Variants in MYO7B observed in about 807,000 individuals in gnomAD.
MYO7B encodes myosin VIIB, also known as unconventional myosin-VIIb.
MYO7B carries 212 observed loss-of-function variants against 259.7 expected under a neutral mutation model. The observed-to-expected ratio is 0.82, with a 90% confidence interval of 0.73 to 0.91. MYO7B has a LOEUF of 0.91. Ranked by LOEUF, MYO7B falls within the 40% of genes least tolerant of loss-of-function variation. MYO7B has a pLI of 0.00. For synonymous variants in MYO7B, 1,197 were observed against 1,166.4 expected (o/e 1.03, Z -0.54); for missense variants, 2,732 against 2,813.5 (o/e 0.97, Z 0.66).
At position 127,593,609 on chromosome 2, in the gene MYO7B, G is replaced by A; in HGVS notation, c.2209G>A (p.Asp737Asn). Residue 737 changes from aspartate (D) to asparagine (N), a missense_variant, in exon 18 of 48, where the codon GAC (aspartate) becomes AAC (asparagine). Around this residue, in one of 3 missense-constraint regions of MYO7B, gnomAD observed 1,906 missense variants for 2,026.4 expected, o/e 0.94. Coordinates refer to ENST00000409816, the MANE Select transcript of MYO7B (RefSeq NM_001393586.1). ...ITDVWLRTDKDWKAGKTKIFL... is the reference protein window; with the variant it reads ...ITDVWLRTDKNWKAGKTKIFL... ...TGACGTGTGGCTGCGGACAGACAAA[G>A]ACTGGAAAGCGGGGAAGACAAAAAT... is the stretch of plus-strand genomic sequence containing the variant. 1 of 1,613,760 alleles carries A rather than the reference G, an allele frequency of 6.2e-7. No individual in the cohort carries two copies. Among genetic ancestry groups the A allele is most frequent in the South Asian group, 1.1e-5 (1 of 91,082 alleles).
intron 1 of MYO7B, among the ~76,000 whole-genome samples, chr2:127,557,741 G>A (rs1677891678): frequency 6.6e-6 from 1 of 152,090 alleles, no homozygotes; most frequent in Non-Finnish European, 1.5e-5. Context: ...CGTAAAGTGG[G>A]GAAATAACAC....
chr2:127,540,695 T>C (rs1692971910), intron 1 of MYO7B, among the ~76,000 whole-genome samples: 1 of 152,164 alleles, frequency 6.6e-6, no homozygotes, highest in Non-Finnish European at 1.5e-5. Flanking sequence ...AGCTCTAGAA[T>C]AAAGCAGGAT....
At position 127,581,909 on chromosome 2, in the gene MYO7B, CG is replaced by C. The variant is rs1342118442; in HGVS notation, c.1102del (p.Asp368ThrfsTer3). The C allele has an allele frequency of 1.2e-6, 2 of 1,613,694 alleles. No individual in the cohort carries two copies. The highest frequency in any genetic ancestry group is 1.7e-6 in the Non-Finnish European group (2 of 1,179,876). The part of the protein sequence containing the change: ...KLLEVQHQEL[R>X]DCLIKHTILI... ...TCCCCAGGTGCAGCACCAGGAGCTC[CG>C]GGACTGTCTGATCAAGCACACCATC... On this transcript the variant is annotated frameshift_variant, in exon 11 of 48. Coordinates refer to ENST00000409816, the MANE Select transcript of MYO7B (RefSeq NM_001393586.1). LOFTEE classifies it high-confidence loss of function.
chr2:127,623,333 C>CCTCCTGTCCATAGGTTCCAA lies in MYO7B; in HGVS notation c.3777_3778insCTCCTGTCCATAGGTTCCAA (p.Asp1260LeufsTer32). ...ACATCGCTCACAAGCAGGGCCTCAG[C>CCTCCTGTCCATAGGTTCCAA]GACCACCTGGGCTTCTCCCTCCAGG... On this transcript the variant is annotated frameshift_variant, in exon 29 of 48. Coordinates refer to ENST00000409816, the MANE Select transcript of MYO7B (RefSeq NM_001393586.1). LOFTEE classifies it high-confidence loss of function. 6.2e-7 allele frequency: 1 copy of CCTCCTGTCCATAGGTTCCAA among 1,609,564 alleles called. No individual in the cohort carries two copies.
At chr2:127,635,618 G>A (rs933572868) in intron 43 of MYO7B, 104 bp from the exon 44 acceptor site, 65 of 1,243,218 alleles carry the variant, frequency 5.2e-5, no homozygotes, top group Non-Finnish European at 6.7e-5. Context: ...CGTCCTGGAT[G>A]GAGTGGGCTA....
At position 127,636,070 on chromosome 2, in the gene MYO7B, G is replaced by A. The variant is rs894842286; in HGVS notation, c.6007-138G>A. On this transcript the variant is annotated intron_variant, in intron 44 of 47. Coordinates refer to ENST00000409816, the MANE Select transcript of MYO7B (RefSeq NM_001393586.1). The surrounding 1 kb of genome is among the most constrained non-coding windows in gnomAD (Gnocchi z 4.5). ...ACCACGCCTTCCTATGCCATCCACAGCACCGAGACTGTCCCATGCTGCATT... is the reference window on the plus strand; with the variant it reads ...ACCACGCCTTCCTATGCCATCCACAACACCGAGACTGTCCCATGCTGCATT... 7 of 1,052,242 alleles carry A rather than the reference G, an allele frequency of 6.7e-6. No homozygotes were observed. The highest frequency in any genetic ancestry group is 9.7e-6 in the Non-Finnish European group (7 of 724,586). The allele number at this position is 1,052,242 out of a possible 1,614,324, so 65.2% of individuals were successfully genotyped here.
At chr2:127,572,525 C>G (rs577868064) in intron 6 of MYO7B, among the ~76,000 whole-genome samples, 3 of 150,004 alleles carry the variant, frequency 2.0e-5, no homozygotes, top group African/African-American at 7.4e-5. Flanking sequence ...CTCCTTCCTT[C>G]CTTTCTTTTT....
chr2:127,634,310 G>A, intron 41 of MYO7B, 21 bp downstream of exon 41: 1 of 1,527,894 alleles, frequency 6.5e-7, no homozygotes, highest in South Asian at 1.2e-5. Context: ...CTGGGGCTGG[G>A]CAGACGGTGG....
chr2:127,547,225 C>G (rs959610588), intron 1 of MYO7B, among the ~76,000 whole-genome samples: 4 of 152,220 alleles, frequency 2.6e-5, no homozygotes, highest in African/African-American at 9.7e-5. Context: ...TGTCCTGAGC[C>G]CTGACTAGTA....
intron 26 of MYO7B, among the ~76,000 whole-genome samples, chr2:127,618,072 C>T (rs1680653486): frequency 6.6e-6 from 1 of 152,030 alleles, no homozygotes; most frequent in Non-Finnish European, 1.5e-5. Flanking sequence ...TCTATTTATC[C>T]CTACTTATCT....
intron 12 of MYO7B, 107 bp downstream of exon 12, chr2:127,582,553 C>T (rs1325648838): frequency 3.0e-6 from 4 of 1,335,640 alleles, no homozygotes; most frequent in East Asian, 2.5e-5. Context: ...GCACCCAGGC[C>T]TGGCGAGTCC....
chr2:127,578,149 GT>G lies in MYO7B; in HGVS notation c.867del (p.Cys289TrpfsTer17), dbSNP rs1558811759. 6.2e-7 allele frequency: 1 copy of G among 1,613,850 alleles called. No homozygotes were observed. The highest frequency in any genetic ancestry group is 1.7e-5 in the Admixed American group (1 of 60,018). On this transcript the variant is annotated frameshift_variant, in exon 9 of 48. Transcript: ENST00000409816. LOFTEE classifies it high-confidence loss of function. ...HYLTMGNCTS[C>X]EGLNDAKDYA... ...GTCCCTCAGGGGAACTGCACTTCCTGTGAGGGGCTCAACGACGCCAAGGACT... is the reference window on the plus strand; with the variant it reads ...GTCCCTCAGGGGAACTGCACTTCCTGGAGGGGCTCAACGACGCCAAGGACT...
Position 127,625,471 on chromosome 2 carries a change from A to G in MYO7B, c.4151A>G (p.His1384Arg), listed in dbSNP as rs748696368. The G allele has an allele frequency of 1.2e-6, 2 of 1,612,416 alleles. No homozygotes were observed. Among genetic ancestry groups the G allele is most frequent in the South Asian group, 1.1e-5 (1 of 91,038 alleles). Reference sequence around the variant, plus strand: ...GAGCTGCTGCCCAGCTGCATCCCCCACAAGCTGTACAGGACCAAGCCCCCA... The same window carrying G: ...GAGCTGCTGCCCAGCTGCATCCCCCGCAAGCTGTACAGGACCAAGCCCCCA... The part of the protein sequence containing the change: ...VQELLPSCIP[H>R]KLYRTKPPDR... The change falls in exon 31 of 48, where the codon CAC (histidine) becomes CGC (arginine). Residue 1384 changes from histidine to arginine, a missense_variant. By Grantham distance (29) the His-to-Arg change is conservative. Coordinates refer to ENST00000409816, the MANE Select transcript of MYO7B (RefSeq NM_001393586.1).
intron 1 of MYO7B, among the ~76,000 whole-genome samples, chr2:127,540,175 T>TA (rs1176224761): frequency 1.3e-5 from 2 of 151,874 alleles, no homozygotes; most frequent in Non-Finnish European, 2.9e-5. Flanking sequence ...TTTTATTTTT[T>TA]TTTTTTGAGA....
chr2:127,576,460 T>C lies in MYO7B; in HGVS notation c.736-135T>C, dbSNP rs1157498352. 2 of 529,320 alleles carry C rather than the reference T, an allele frequency of 3.8e-6. No individual in the cohort carries two copies. Among genetic ancestry groups the C allele is most frequent in the Non-Finnish European group, 6.5e-6 (2 of 305,692 alleles). 32.8% of individuals were successfully genotyped at this position (529,320 alleles called of 1,614,324 possible). A position where few individuals can be genotyped will look rare whatever the true frequency, so the allele number is the denominator to read the frequency against. On this transcript the variant is annotated intron_variant, in intron 7 of 47. Transcript: ENST00000409816. This position sits in a 1 kb window ranked among gnomAD's most constrained non-coding sequence, Gnocchi z 4.9. The stretch of plus-strand genomic sequence containing the variant: ...GCAACCAAGCCAGGCTGGCCCTGGG[T>C]CAGTGCCAGAGCTGCTCCTGGCTGA...
intron 12 of MYO7B, 146 bp from the exon 13 acceptor site, chr2:127,583,976 C>CATCT: frequency 1.4e-6 from 1 of 692,012 alleles, no homozygotes; most frequent in Non-Finnish European, 2.5e-6. Flanking sequence ...AATGAGTGTG[C>CATCT]ATCTCTGTGT....
At chr2:127,581,801 G>C in intron 10 of MYO7B, 90 bp from the exon 11 acceptor site, 6 of 1,566,246 alleles carry the variant, frequency 3.8e-6, no homozygotes, top group South Asian at 3.4e-5. Context: ...GCTTGGTCAC[G>C]AGAGGGAACA....
At chr2:127,600,605 G>A (rs1278648334) in intron 19 of MYO7B, among the ~76,000 whole-genome samples, 1 of 152,212 alleles carries the variant, frequency 6.6e-6, no homozygotes, top group African/African-American at 2.4e-5. Flanking sequence ...AGCTACTCAG[G>A]AGGCTGAGGC....
chr2:127,556,899 G>C (rs1297412357), intron 1 of MYO7B, among the ~76,000 whole-genome samples: 1 of 152,072 alleles, frequency 6.6e-6, no homozygotes, highest in Non-Finnish European at 1.5e-5. Context: ...AATTTCCCAG[G>C]TGTTCTTTCT....
Sources: gnomAD v4.1 joint callset for allele counts (sites outside exome capture counted in the v4.1 genomes callset) on GRCh38, gnomAD v4.1.1 for gene constraint, gnomAD v4.1.1 regional missense constraint, Gnocchi (gnomAD v3.1) non-coding constraint, MANE v1.5 for transcripts, NCBI Gene and HGNC (gene_info 2026-07-23, HGNC 2026-07-21) for gene names.